TMEM131: variants seen among roughly 807,000 people sequenced by gnomAD.
The protein encoded by TMEM131 is 2610524E03Rik.
A neutral mutation model predicts 211.6 loss-of-function variants in TMEM131; 66 were observed. The ratio of observed to expected loss-of-function variants is 0.31; its 90% confidence interval spans 0.26 to 0.38. The LOEUF (loss-of-function observed/expected upper bound fraction) is 0.38, where lower values mean the gene tolerates loss of function less well. TMEM131 is among the 10% of genes least tolerant of loss of function. The pLI is 1.00. For missense variants in TMEM131, 2,036 were observed against 2,299.3 expected (o/e 0.89, Z 2.34); for synonymous variants, 844 against 841.3 (o/e 1.00, Z -0.06).
chr2:97,914,770 A>C (rs547411203), intron 2 of TMEM131, among the ~76,000 whole-genome samples: 1 of 152,366 alleles, frequency 6.6e-6, no homozygotes, highest in South Asian at 2.1e-4. Flanking sequence ...GTTTAACAGT[A>C]CATCTACTGA....
chr2:97,987,613 AG>A, intron 1 of TMEM131, among the ~76,000 whole-genome samples: 1 of 152,258 alleles, frequency 6.6e-6, no homozygotes, highest in African/African-American at 2.4e-5. Flanking sequence ...TTAAGTACGC[AG>A]CATTTTTTCT....
chr2:97,915,251 G>T (rs1676462464), intron 2 of TMEM131, among the ~76,000 whole-genome samples: 1 of 152,178 alleles, frequency 6.6e-6, no homozygotes, highest in Non-Finnish European at 1.5e-5. Flanking sequence ...TCAGGTGTGT[G>T]ACTTGCAAAT....
At chr2:97,811,901 A>G (rs1156310262) in intron 17 of TMEM131, among the ~76,000 whole-genome samples, 1 of 152,048 alleles carries the variant, frequency 6.6e-6, no homozygotes, top group Admixed American at 6.6e-5. Context: ...GAAACTAATA[A>G]ATTTGTTTTC....
At chr2:97,886,002 C>T (rs1328953486) in intron 4 of TMEM131, among the ~76,000 whole-genome samples, 1 of 152,042 alleles carries the variant, frequency 6.6e-6, no homozygotes, top group Non-Finnish European at 1.5e-5. Context: ...TTCAAAAGAT[C>T]TGTCTTCAAG....
intron 7 of TMEM131, among the ~76,000 whole-genome samples, chr2:97,838,086 G>C (rs769123470): frequency 1.3e-5 from 2 of 152,102 alleles, no homozygotes; most frequent in Non-Finnish European, 2.9e-5. Flanking sequence ...CTATACCGCA[G>C]TTTTTCAATC....
intron 31 of TMEM131, among the ~76,000 whole-genome samples, chr2:97,776,663 G>A (rs1248119880): frequency 6.6e-6 from 1 of 152,190 alleles, no homozygotes; most frequent in African/African-American, 2.4e-5. Context: ...ATAGAGCTTT[G>A]AAAAGTTACA....
chr2:97,849,838 G>A (rs1167574108), intron 5 of TMEM131, among the ~76,000 whole-genome samples: 1 of 149,552 alleles, frequency 6.7e-6, no homozygotes, highest in African/African-American at 2.5e-5. Flanking sequence ...GTTCCCCTGG[G>A]GCAAGAACAA....
chr2:97,915,637 C>T (rs570660600), intron 2 of TMEM131, among the ~76,000 whole-genome samples: 17 of 152,278 alleles, frequency 1.1e-4, no homozygotes, highest in African/African-American at 2.9e-4. Context: ...TGAGGTACTG[C>T]GTCTGGCCCA....
chr2:97,805,256 T>C (rs1681243130), intron 21 of TMEM131, 51 bp from the exon 22 acceptor site: 9 of 1,575,966 alleles, frequency 5.7e-6, no homozygotes, highest in Non-Finnish European at 7.8e-6. Flanking sequence ...TTGTCAATTT[T>C]CCTTCAAATA....
At chr2:97,943,638 G>A (rs1677902646) in intron 1 of TMEM131, among the ~76,000 whole-genome samples, 2 of 152,228 alleles carry the variant, frequency 1.3e-5, no homozygotes, top group South Asian at 4.1e-4. Flanking sequence ...TTTGCAAATC[G>A]ACAAGTGGCT....
At chr2:97,757,594 G>T (rs768274976) in intron 40 of TMEM131, among the ~76,000 whole-genome samples, 23 of 152,132 alleles carry the variant, frequency 1.5e-4, no homozygotes, top group Non-Finnish European at 2.9e-4. Context: ...GGAGTGCAGT[G>T]GTGTGATCAT....
chr2:97,772,295 A>C lies in TMEM131; in HGVS notation c.4448+2T>G. 6.3e-7 allele frequency: 1 copy of C among 1,599,308 alleles called. No homozygotes were observed. The highest frequency in any genetic ancestry group is 8.5e-7 in the Non-Finnish European group (1 of 1,176,630). ...ATTTCTCTGTACACTTATTTCTCTC[A>C]CCTGGGTTTCACATCTGTTGGGATT... On this transcript the variant is annotated splice_donor_variant, in intron 33 of 40. Transcript: ENST00000186436. LOFTEE classifies it high-confidence loss of function.
chr2:97,985,650 C>A (rs1679991093), intron 1 of TMEM131, among the ~76,000 whole-genome samples: 1 of 148,492 alleles, frequency 6.7e-6, no homozygotes, highest in Admixed American at 6.7e-5. Context: ...AAAGTTAAAA[C>A]AGAAATGTAC....
chr2:97,775,725 T>C, intron 32 of TMEM131, 118 bp downstream of exon 32: 1 of 1,151,108 alleles, frequency 8.7e-7, no homozygotes, highest in East Asian at 2.6e-5. Context: ...TAGGTGCTCA[T>C]CCTAGATTTA....
intron 31 of TMEM131, among the ~76,000 whole-genome samples, chr2:97,776,543 A>T (rs1441875587): frequency 6.6e-6 from 1 of 152,238 alleles, no homozygotes. Flanking sequence ...ACTTATATAT[A>T]ATAGAACACA....
At chr2:97,766,698 T>C (rs1679185678) in intron 33 of TMEM131, 96 bp from the exon 34 acceptor site, 6 of 1,467,792 alleles carry the variant, frequency 4.1e-6, no homozygotes, top group Middle Eastern at 1.8e-4. Flanking sequence ...TACAACTGCA[T>C]GCAGGAAGCT....
At chr2:97,860,721 A>G (rs1193513351) in intron 4 of TMEM131, among the ~76,000 whole-genome samples, 1 of 152,218 alleles carries the variant, frequency 6.6e-6, no homozygotes, top group African/African-American at 2.4e-5. Flanking sequence ...ATGATGGCCA[A>G]ATAGAAGGCT....
chr2:97,821,880 A>C (rs555927812), intron 11 of TMEM131, among the ~76,000 whole-genome samples: 2 of 152,178 alleles, frequency 1.3e-5, no homozygotes, highest in African/African-American at 4.8e-5. Context: ...GCCTGGAACC[A>C]TCTTCCACTT....
At chr2:97,872,237 C>T (rs1231864939) in intron 4 of TMEM131, among the ~76,000 whole-genome samples, 1 of 152,128 alleles carries the variant, frequency 6.6e-6, no homozygotes, top group African/African-American at 2.4e-5. Context: ...ATTCTAGATG[C>T]ACCCTTCCTG....
Sources: gnomAD v4.1 joint callset for allele counts (sites outside exome capture counted in the v4.1 genomes callset) on GRCh38, gnomAD v4.1.1 for gene constraint, MANE v1.5 for transcripts, NCBI Gene and HGNC (gene_info 2026-07-23, HGNC 2026-07-21) for gene names.